NXPH1: variants seen among roughly 807,000 people sequenced by gnomAD.
The protein encoded by NXPH1 is neurexophilin 1.
Under a neutral mutation model 23.7 loss-of-function variants are expected in NXPH1, and 5 were observed. That is an observed-to-expected ratio of 0.21 (90% CI 0.11 to 0.44). NXPH1 has a LOEUF of 0.44. NXPH1 is among the 20% of genes least tolerant of loss of function. The probability of loss-of-function intolerance (pLI) is 0.99; values close to 1 mark genes in which losing one functional copy is unlikely to be tolerated. For synonymous variants in NXPH1, 144 were observed against 122.2 expected (o/e 1.18, Z -1.18); for missense variants, 324 against 321.6 (o/e 1.01, Z -0.06).
chr7:8,749,119 T>A (rs182116536), intron 2 of NXPH1, among the ~76,000 whole-genome samples: 1 of 152,328 alleles, frequency 6.6e-6, no homozygotes, highest in East Asian at 1.9e-4. Flanking sequence ...GATCTCCATA[T>A]GTATTATTTG....
At chr7:8,577,559 T>C (rs1310920238) in intron 2 of NXPH1, among the ~76,000 whole-genome samples, 1 of 152,208 alleles carries the variant, frequency 6.6e-6, no homozygotes, top group Non-Finnish European at 1.5e-5. Context: ...CCAGCCATAG[T>C]TCCCTTCAAA....
At chr7:8,638,674 T>C (rs74358376) in intron 2 of NXPH1, among the ~76,000 whole-genome samples, 7,841 of 152,234 alleles carry the variant, frequency 0.052, 420 homozygotes, top group East Asian at 0.17. Context: ...ATTCTTTTCT[T>C]TGTCCATGCA....
chr7:8,580,874 C>A (rs1158099612), intron 2 of NXPH1, among the ~76,000 whole-genome samples: 8 of 152,134 alleles, frequency 5.3e-5, no homozygotes, highest in African/African-American at 1.9e-4. Context: ...ACATCTGGAA[C>A]TTGGCAGATG....
At chr7:8,552,161 C>A (rs1366141953) in intron 2 of NXPH1, among the ~76,000 whole-genome samples, 1 of 136,276 alleles carries the variant, frequency 7.3e-6, no homozygotes, top group Non-Finnish European at 1.6e-5. Flanking sequence ...ACCACACAAA[C>A]CGTTAAGGAG....
chr7:8,654,112 T>A (rs1820534557), intron 2 of NXPH1, among the ~76,000 whole-genome samples: 1 of 152,186 alleles, frequency 6.6e-6, no homozygotes, highest in Non-Finnish European at 1.5e-5. Flanking sequence ...AACCTTCACC[T>A]TTTGAAAAAC....
intron 2 of NXPH1, among the ~76,000 whole-genome samples, chr7:8,501,512 C>G (rs1285913085): frequency 6.6e-6 from 1 of 151,990 alleles, no homozygotes; most frequent in African/African-American, 2.4e-5. Flanking sequence ...CATAGTGATT[C>G]TGATGAACCA....
intron 2 of NXPH1, among the ~76,000 whole-genome samples, chr7:8,452,363 G>A (rs1008576652): frequency 1.3e-5 from 2 of 152,104 alleles, no homozygotes; most frequent in African/African-American, 4.8e-5. Flanking sequence ...TTAAATAGCT[G>A]TACCATGGAC....
intron 2 of NXPH1, among the ~76,000 whole-genome samples, chr7:8,735,277 T>G (rs1583253121): frequency 6.6e-6 from 1 of 152,148 alleles, no homozygotes; most frequent in South Asian, 2.1e-4. Context: ...TGGCTGTGGG[T>G]TTGTCATAAA....
chr7:8,598,122 T>A (rs1819267815), intron 2 of NXPH1, among the ~76,000 whole-genome samples: 1 of 152,126 alleles, frequency 6.6e-6, no homozygotes, highest in African/African-American at 2.4e-5. Context: ...ATAGAGCATA[T>A]GTCATCCTCT....
chr7:8,681,903 G>A (rs1285766904), intron 2 of NXPH1, among the ~76,000 whole-genome samples: 3 of 152,318 alleles, frequency 2.0e-5, no homozygotes, highest in Non-Finnish European at 2.9e-5. Flanking sequence ...ATTTACTGCA[G>A]TGAAACTGAG....
chr7:8,545,209 A>AG (rs901604965), intron 2 of NXPH1, among the ~76,000 whole-genome samples: 5 of 151,520 alleles, frequency 3.3e-5, no homozygotes, highest in Non-Finnish European at 5.9e-5. Context: ...GGCAGCATGG[A>AG]GGGAGTAGAA....
chr7:8,584,231 A>G (rs1479152233), intron 2 of NXPH1, among the ~76,000 whole-genome samples: 2 of 152,178 alleles, frequency 1.3e-5, no homozygotes, highest in Non-Finnish European at 2.9e-5. Context: ...TTGGCCCTAG[A>G]TAGTCAGACT....
At chr7:8,713,330 A>G (rs1233080045) in intron 2 of NXPH1, among the ~76,000 whole-genome samples, 3 of 152,040 alleles carry the variant, frequency 2.0e-5, no homozygotes, top group African/African-American at 7.2e-5. Context: ...AATTTATCTG[A>G]TAGGATTCCG....
At chr7:8,552,083 G>A (rs1181562634) in intron 2 of NXPH1, among the ~76,000 whole-genome samples, 1 of 133,152 alleles carries the variant, frequency 7.5e-6, no homozygotes. Context: ...TTCTATTTTG[G>A]CTTAACTCCA....
At chr7:8,593,964 T>C (rs1418496220) in intron 2 of NXPH1, among the ~76,000 whole-genome samples, 2 of 151,248 alleles carry the variant, frequency 1.3e-5, no homozygotes, top group Non-Finnish European at 1.5e-5. Flanking sequence ...TTTTTAGACA[T>C]CAACTTAAAA....
intron 2 of NXPH1, among the ~76,000 whole-genome samples, chr7:8,566,269 C>T (rs1397628916): frequency 6.6e-6 from 1 of 151,830 alleles, no homozygotes; most frequent in African/African-American, 2.4e-5. Flanking sequence ...CTGTGGTGCT[C>T]TCTTTTGGAG....
intron 2 of NXPH1, among the ~76,000 whole-genome samples, chr7:8,713,808 C>A (rs1779834124): frequency 6.6e-6 from 1 of 152,278 alleles, no homozygotes; most frequent in Non-Finnish European, 1.5e-5. Flanking sequence ...TAATTTCTCC[C>A]AAGCTAATGG....
At chr7:8,477,887 G>A (rs529564893) in intron 2 of NXPH1, among the ~76,000 whole-genome samples, 1 of 152,186 alleles carries the variant, frequency 6.6e-6, no homozygotes, top group African/African-American at 2.4e-5. Flanking sequence ...TTACAATTAC[G>A]TGTTTGAATT....
chr7:8,574,731 T>A (rs1229907683), intron 2 of NXPH1, among the ~76,000 whole-genome samples: 2 of 152,130 alleles, frequency 1.3e-5, no homozygotes, highest in Non-Finnish European at 2.9e-5. Flanking sequence ...AGCCTTGGAT[T>A]CCGTCTCCTG....
Sources: allele counts gnomAD v4.1 joint callset (sites outside exome capture counted in the v4.1 genomes callset), GRCh38; gene constraint gnomAD v4.1.1; transcripts MANE v1.5; gene names NCBI Gene and HGNC (gene_info 2026-07-23, HGNC 2026-07-21).